The following MPG variants were observed in gnomAD, a reference collection of about 807,000 sequenced individuals.
The protein encoded by MPG is DNA-3-methyladenine glycosylase.
In MPG, 33 loss-of-function variants were observed where a neutral mutation model predicts 31.7. The ratio of observed to expected loss-of-function variants is 1.04; its 90% CI spans 0.79 to 1.39. The LOEUF (loss-of-function observed/expected upper bound fraction) is 1.39. Among genes scored for constraint, MPG ranks in the 40% most tolerant of loss-of-function variants. MPG has a pLI of 0.00. For missense variants in MPG, 455 were observed against 415.5 expected, an observed-to-expected ratio of 1.10 and a Z score of -0.83; for synonymous variants, 202 against 169.2, an observed-to-expected ratio of 1.19 and a Z score of -1.51.
chr16:85,413 G>C lies in MPG; in HGVS notation c.518G>C (p.Cys173Ser), dbSNP rs1185706977. ...GTCCGTCCCACAGGGGACGGGGCTT[G>C]CGTCTTGCTGCGAGCACTGGAGCCC... ...MNISSQGDGA[C>S]VLLRALEPLE... is the part of the protein sequence containing the mutation. The change falls in exon 4 of 4, where the codon TGC (cysteine) becomes TCC (serine). Residue 173 changes from cysteine (C) to serine (S), a missense_variant. Physicochemically the swap from Cys to Ser is moderately radical, Grantham distance 112 (BLOSUM62 -1). Coordinates refer to ENST00000356432, the MANE Select transcript of MPG (RefSeq NM_001015052.3). The C allele has an allele frequency of 1.2e-6, 2 of 1,607,110 alleles. No individual in the cohort carries two copies. Among genetic ancestry groups the C allele is most frequent in the Admixed American group, 1.7e-5 (1 of 59,702 alleles).
chr16:80,775 C>T (rs908130067), intron 2 of MPG, among the ~76,000 whole-genome samples: 2 of 152,126 alleles, frequency 1.3e-5, no homozygotes, highest in Non-Finnish European at 2.9e-5. Context: ...CGCCATTGCA[C>T]TCCGGCCTGG....
At chr16:83,337 G>T in intron 3 of MPG, 81 bp downstream of exon 3, 5 of 1,394,872 alleles carry the variant, frequency 3.6e-6, no homozygotes, top group Non-Finnish European at 5.0e-6. Flanking sequence ...TAGGAGGACT[G>T]AGGTGGGGCC....
chr16:83,146 C>G lies in MPG; in HGVS notation c.395C>G (p.Ser132Ter). The G allele has an allele frequency of 1.2e-6, 2 of 1,613,226 alleles. No homozygotes were observed. Among genetic ancestry groups the G allele is most frequent in the Non-Finnish European group, 8.5e-7 (1 of 1,179,964 alleles). ...GGGCCAGAGGATGAAGCCGCCCACT[C>G]AAGGGGTGGCCGGCAGACCCCCCGC... Reference protein sequence around the residue: ...YLGPEDEAAHSRGGRQTPRNR... With the variant: ...YLGPEDEAAH Residue 132 changes from serine (S) to a stop codon, truncating the protein, a stop_gained, in exon 3 of 4, where the codon TCA (serine) becomes TGA (stop). Coordinates refer to ENST00000356432, the MANE Select transcript of MPG (RefSeq NM_001015052.3). LOFTEE classifies it high-confidence loss of function.
At chr16:85,360 G>T (rs1435801840) in intron 3 of MPG, 41 bp from the exon 4 acceptor site, 2 of 1,550,744 alleles carry the variant, frequency 1.3e-6, no homozygotes. Context: ...GAGAGGACAG[G>T]AGCCTAGGGA....
At chr16:81,629 A>G (rs2914516) in intron 2 of MPG, among the ~76,000 whole-genome samples, 7,024 of 100,792 alleles carry the variant, frequency 0.07, 475 homozygotes, top group African/African-American at 0.37. Flanking sequence ...TGCTCCCCAC[A>G]CTGACCCCTT....
At chr16:83,016 C>T (rs1173871702) in intron 2 of MPG, 36 bp from the exon 3 acceptor site, 1 of 1,512,652 alleles carries the variant, frequency 6.6e-7, no homozygotes, top group Non-Finnish European at 9.0e-7. Flanking sequence ...GGACCCCCAT[C>T]CCTTCCCGCC....
At chr16:81,690 A>G (rs1194251798) in intron 2 of MPG, among the ~76,000 whole-genome samples, 90 of 109,926 alleles carry the variant, frequency 8.2e-4, no homozygotes, top group East Asian at 7.6e-4. Flanking sequence ...CCCCACACTG[A>G]CCCCTTCTTC....
rs1898189174 is a variant in MPG at position 79,661 on chromosome 16, C to T, written c.261C>T (p.Asp87=). 6.4e-7 allele frequency: 1 copy of T among 1,569,820 alleles called. No homozygotes were observed. The highest frequency in any genetic ancestry group is 2.4e-5 in the East Asian group (1 of 42,334). ...CCCGACTGGGGTTGGAGTTCTTCGACCAGCCGGCAGTCCCCCTGGCCCGGG... is the reference window on the plus strand; with the variant it reads ...CCCGACTGGGGTTGGAGTTCTTCGATCAGCCGGCAGTCCCCCTGGCCCGGG... ...HLTRLGLEFF[D]QPAVPLARAF... The change falls in exon 2 of 4, where the codon GAC becomes GAT. Residue 87 remains aspartate, a synonymous_variant. Transcript: ENST00000356432.
upstream of MPG, among the ~76,000 whole-genome samples, chr16:77,763 AG>A (rs1454472361): frequency 5.9e-5 from 9 of 152,078 alleles, no homozygotes; most frequent in African/African-American, 2.2e-4. Context: ...ACTCCGGACC[AG>A]GGCTGGGGCG....
chr16:85,658 G>A lies in MPG; in HGVS notation c.763G>A (p.Ala255Thr). Residue 255 changes from alanine (A) to threonine (T), a missense_variant, in exon 4 of 4, where the codon GCC becomes ACC. Coordinates refer to ENST00000356432, the MANE Select transcript of MPG (RefSeq NM_001015052.3). The stretch of plus-strand genomic sequence containing the variant: ...CAGTGAGCCGGCTGTAGTGGCAGCA[G>A]CCCGGGTGGGCGTCGGCCATGCAGG... Reference protein sequence around the residue: ...EPSEPAVVAAARVGVGHAGEW... With the variant: ...EPSEPAVVAATRVGVGHAGEW... 6.3e-7 allele frequency: 1 copy of A among 1,584,916 alleles called. No homozygotes were observed. The highest frequency in any genetic ancestry group is 8.6e-7 in the Non-Finnish European group (1 of 1,161,452).
intron 2 of MPG, 157 bp downstream of exon 2, chr16:79,857 T>A (rs965005054): frequency 1.1e-5 from 9 of 832,594 alleles, no homozygotes; most frequent in Non-Finnish European, 1.7e-5. Flanking sequence ...CTTAGCTTCA[T>A]CTCAGTTGCC....
chr16:78,595 C>T (rs1233364816), intron 1 of MPG, among the ~76,000 whole-genome samples: 2 of 152,234 alleles, frequency 1.3e-5, no homozygotes, highest in African/African-American at 4.8e-5. Flanking sequence ...TCCAGGCCGA[C>T]TGGCAGTCTC....
rs1385463845 is a variant in MPG at position 83,548 on chromosome 16, C to T, written c.505+292C>T. 1.2e-5 allele frequency: 4 copies of T among 320,560 alleles called. No individual in the cohort carries two copies. The East Asian group carries it at 2.7e-4, about 21-fold the overall frequency. 19.9% of individuals were successfully genotyped at this position (320,560 alleles called of 1,614,324 possible). ...CTGAGGTCAGGAGTTCGACACCAGCCTGGCCAACACGGTGAAACTCTGTCT... is the reference window on the plus strand; with the variant it reads ...CTGAGGTCAGGAGTTCGACACCAGCTTGGCCAACACGGTGAAACTCTGTCT... On this transcript the variant is annotated intron_variant, in intron 3 of 3. Coordinates refer to ENST00000356432, the MANE Select transcript of MPG (RefSeq NM_001015052.3).
At position 79,643 on chromosome 16, in the gene MPG, G is replaced by A. The variant is rs1351960797; in HGVS notation, c.243G>A (p.Leu81=). 1.9e-6 allele frequency: 3 copies of A among 1,578,970 alleles called. No homozygotes were observed. Among genetic ancestry groups the A allele is most frequent in the East Asian group, 2.3e-5 (1 of 42,994 alleles). Residue 81 remains leucine, a synonymous_variant, in exon 2 of 4, where the codon CTG becomes CTA. Coordinates refer to ENST00000356432, the MANE Select transcript of MPG (RefSeq NM_001015052.3). ...GCCCAAAGGGCCACCTTACCCGACTGGGGTTGGAGTTCTTCGACCAGCCGG... is the reference window on the plus strand; with the variant it reads ...GCCCAAAGGGCCACCTTACCCGACTAGGGTTGGAGTTCTTCGACCAGCCGG... The part of the protein sequence containing the change: ...FSSPKGHLTR[L]GLEFFDQPAV...
rs541471843 is a variant in MPG at position 80,153 on chromosome 16, G to C, written c.300+453G>C. Among the ~76,000 whole-genome samples the C allele has an allele frequency of 1.1e-4, 17 of 152,376 alleles. 1 individual carries two copies. The East Asian group carries it at 3.3e-3, about 29-fold the overall frequency. The stretch of plus-strand genomic sequence containing the variant: ...ATCTGGGCTCTGCCAATCAGACTTG[G>C]AGTAAGAAGCAGGGACTGCCCAGGT... On this transcript the variant is annotated intron_variant, in intron 2 of 3. Coordinates refer to ENST00000356432, the MANE Select transcript of MPG (RefSeq NM_001015052.3).
rs987937485 is a variant in MPG, at chr16:78,241, C to T, written c.-69C>T. On this transcript the variant is annotated 5_prime_UTR_variant, in exon 1 of 4. Coordinates refer to ENST00000356432, the MANE Select transcript of MPG (RefSeq NM_001015052.3). ...CTCCGCCCCGGTCCTAGGGGTGCTTCCGTGGTCGGCGGCTGCTGGGCTCCG... is the reference window on the plus strand; with the variant it reads ...CTCCGCCCCGGTCCTAGGGGTGCTTTCGTGGTCGGCGGCTGCTGGGCTCCG... 2.2e-6 allele frequency: 3 copies of T among 1,353,230 alleles called. No individual in the cohort carries two copies. Among genetic ancestry groups the T allele is most frequent in the Non-Finnish European group, 2.9e-6 (3 of 1,044,512 alleles). 83.8% of individuals were successfully genotyped at this position (1,353,230 alleles called of 1,614,324 possible).
intron 1 of MPG, chr16:79,176 C>T (rs1898170485): frequency 1.9e-6 from 3 of 1,540,024 alleles, no homozygotes; most frequent in Non-Finnish European, 2.6e-6. Flanking sequence ...GCAGCTCGCA[C>T]ATATGTGGGG....
At chr16:83,323 C>A in intron 3 of MPG, 67 bp downstream of exon 3, 1 of 1,481,810 alleles carries the variant, frequency 6.7e-7, no homozygotes, top group Non-Finnish European at 9.3e-7. Flanking sequence ...AGCCAGGGGA[C>A]CACTAGGAGG....
chr16:82,961 T>C (rs192138788), intron 2 of MPG, 91 bp from the exon 3 acceptor site: 120 of 1,195,356 alleles, frequency 1.0e-4, no homozygotes, highest in Middle Eastern at 2.9e-4. Flanking sequence ...TGACACACCC[T>C]GAGCTGGGGA....
Sources: gnomAD v4.1 joint callset for allele counts (sites outside exome capture counted in the v4.1 genomes callset) on GRCh38, gnomAD v4.1.1 for gene constraint, MANE v1.5 for transcripts, NCBI Gene and HGNC (gene_info 2026-07-23, HGNC 2026-07-21) for gene names.